Variants in CYP4X1 observed in about 807,000 individuals in gnomAD.
The protein encoded by CYP4X1 is cytochrome P450 family 4 subfamily X member 1.
A neutral mutation model predicts 57.9 loss-of-function variants in CYP4X1; 44 were observed. That is an observed-to-expected ratio of 0.76 (90% CI 0.60 to 0.98). CYP4X1 has a LOEUF of 0.98. CYP4X1 is among the 50% of genes least tolerant of loss of function. The pLI, the probability that CYP4X1 is intolerant of heterozygous loss-of-function variation, is 0.00. For synonymous variants in CYP4X1, 227 were observed against 228.6 expected, an observed-to-expected ratio of 0.99 and a Z score of 0.06; for missense variants, 532 against 623.9, an observed-to-expected ratio of 0.85 and a Z score of 1.57.
the CYP4X1 span, among the ~76,000 whole-genome samples, chr1:46,981,587 A>T: frequency 4.6e-5 from 7 of 152,216 alleles, no homozygotes; most frequent in Non-Finnish European, 1.5e-5. Flanking sequence ...TTCCTCAAGG[A>T]TCTAGAACTA....
At chr1:47,017,751 C>A in the CYP4X1 span, among the ~76,000 whole-genome samples, 1 of 152,148 alleles carries the variant, frequency 6.6e-6, no homozygotes, top group Non-Finnish European at 1.5e-5. Flanking sequence ...TACCTGTGAC[C>A]TAGAAGCCCC....
At chr1:47,030,215 A>T in intron 2 of CYP4X1, 84 bp downstream of exon 2, 1 of 1,510,136 alleles carries the variant, frequency 6.6e-7, no homozygotes, top group Non-Finnish European at 8.9e-7. Context: ...CAAAGCAAAG[A>T]TTGGTTTGGG....
At chr1:47,039,142 G>T (rs1050773087) in intron 7 of CYP4X1, among the ~76,000 whole-genome samples, 200 bp from the exon 8 acceptor site, 1 of 152,052 alleles carries the variant, frequency 6.6e-6, no homozygotes, top group African/African-American at 2.4e-5. Context: ...TTTGTGCAAG[G>T]CCTGCTTTTC....
At chr1:47,037,417 A>C (rs1644197353) in intron 6 of CYP4X1, among the ~76,000 whole-genome samples, 1 of 151,844 alleles carries the variant, frequency 6.6e-6, no homozygotes, top group Admixed American at 6.6e-5. Flanking sequence ...GATTACAGGC[A>C]CTGCCACCAC....
chr1:46,993,591 C>T, the CYP4X1 span, among the ~76,000 whole-genome samples: 1 of 152,160 alleles, frequency 6.6e-6, no homozygotes, highest in African/African-American at 2.4e-5. Flanking sequence ...CTTTCCAGCA[C>T]CTGTTGTTTC....
chr1:46,969,583 C>A, the CYP4X1 span, among the ~76,000 whole-genome samples: 1 of 151,960 alleles, frequency 6.6e-6, no homozygotes, highest in African/African-American at 2.4e-5. Flanking sequence ...TTCTAAAAAA[C>A]TTATTTCTAC....
chr1:47,007,794 T>C, the CYP4X1 span, among the ~76,000 whole-genome samples: 1 of 152,170 alleles, frequency 6.6e-6, no homozygotes, highest in Non-Finnish European at 1.5e-5. Context: ...CAAGCCTCAG[T>C]AGCCAATTCG....
chr1:46,979,261 CA>C, the CYP4X1 span, among the ~76,000 whole-genome samples: 1 of 152,062 alleles, frequency 6.6e-6, no homozygotes, highest in Non-Finnish European at 1.5e-5. Context: ...AGAGAAGAAT[CA>C]AATAGACGCA....
At chr1:46,976,030 G>A in the CYP4X1 span, among the ~76,000 whole-genome samples, 4 of 151,990 alleles carry the variant, frequency 2.6e-5, no homozygotes, top group East Asian at 1.9e-4. Context: ...TCGTGTGATC[G>A]ATGCAGAAGA....
the CYP4X1 span, among the ~76,000 whole-genome samples, chr1:47,006,624 A>G: frequency 6.6e-6 from 1 of 152,312 alleles, no homozygotes; most frequent in Non-Finnish European, 1.5e-5. Flanking sequence ...GAGCCAAAGC[A>G]GGGTGAGTCA....
At chr1:47,012,011 A>G in the CYP4X1 span, among the ~76,000 whole-genome samples, 2 of 152,316 alleles carry the variant, frequency 1.3e-5, no homozygotes, top group African/African-American at 4.8e-5. Flanking sequence ...CGATTCCTCA[A>G]GGATCTAGAA....
rs1037389712 is a variant in CYP4X1, at chr1:47,023,764, C to T, written c.-54C>T. 11 of 1,579,300 alleles carry T rather than the reference C, an allele frequency of 7.0e-6. No homozygotes were observed. In the East Asian group the frequency reaches 2.3e-4, roughly 32 times the overall value. ...TACGCCAGCTCCGGGCGGGAGAAAGCCCACCCTCTCCCGCGCCCCAGGAAA... is the reference window on the plus strand; with the variant it reads ...TACGCCAGCTCCGGGCGGGAGAAAGTCCACCCTCTCCCGCGCCCCAGGAAA... On this transcript the variant is annotated 5_prime_UTR_variant, in exon 1 of 12. Coordinates refer to ENST00000371901, the MANE Select transcript of CYP4X1 (RefSeq NM_178033.2).
chr1:46,986,398 C>T, the CYP4X1 span, among the ~76,000 whole-genome samples: 8 of 152,204 alleles, frequency 5.3e-5, no homozygotes, highest in African/African-American at 1.7e-4. Flanking sequence ...AAGACCAAAC[C>T]TATGTTTGAT....
chr1:47,041,443 C>T (rs781110867), intron 8 of CYP4X1, among the ~76,000 whole-genome samples: 30 of 152,218 alleles, frequency 2.0e-4, no homozygotes, highest in African/African-American at 7.0e-4. Flanking sequence ...TCCACATCCT[C>T]ACCAACATTT....
the CYP4X1 span, among the ~76,000 whole-genome samples, chr1:46,970,036 G>T: frequency 3.9e-5 from 6 of 152,354 alleles, no homozygotes; most frequent in Non-Finnish European, 8.8e-5. Context: ...CTAGCAAGGT[G>T]TCTGAATTCT....
the CYP4X1 span, chr1:47,002,929 G>A: frequency 3.3e-5 from 5 of 152,234 alleles, no homozygotes; most frequent in African/African-American, 1.2e-4. Context: ...TGGCAAGACA[G>A]ATCCAGAGGC....
downstream of CYP4X1, among the ~76,000 whole-genome samples, chr1:47,050,966 A>C (rs932206551): frequency 6.6e-6 from 1 of 152,170 alleles, no homozygotes; most frequent in Non-Finnish European, 1.5e-5. Context: ...AATGGGAGAA[A>C]ATTTTTGCAA....
the CYP4X1 span, among the ~76,000 whole-genome samples, chr1:46,963,627 T>C: frequency 6.6e-6 from 1 of 152,260 alleles, no homozygotes; most frequent in Admixed American, 6.5e-5. Context: ...GTTAGTCTGA[T>C]GGGCTTCCCT....
chr1:46,969,652 T>A, the CYP4X1 span, among the ~76,000 whole-genome samples: 1 of 152,238 alleles, frequency 6.6e-6, no homozygotes, highest in Non-Finnish European at 1.5e-5. Context: ...TCTTTGAAGA[T>A]TTCCACAGAA....
Sources: allele counts gnomAD v4.1 joint callset (sites outside exome capture counted in the v4.1 genomes callset), GRCh38; gene constraint gnomAD v4.1.1; transcripts MANE v1.5; gene names NCBI Gene and HGNC (gene_info 2026-07-23, HGNC 2026-07-21).